SEMA4A: variants seen among roughly 807,000 people sequenced by gnomAD.
The protein encoded by SEMA4A is semaphorin-4A.
SEMA4A carries 52 observed loss-of-function variants against 72.5 expected under a neutral mutation model. The observed-to-expected ratio is 0.72, with a 90% confidence interval of 0.57 to 0.90. The LOEUF (loss-of-function observed/expected upper bound fraction) is 0.90, where lower values mean the gene tolerates loss of function less well. Ranked by LOEUF, SEMA4A falls within the 40% of genes least tolerant of loss-of-function variation. SEMA4A has a pLI of 0.00. For missense variants in SEMA4A, 926 were observed against 959.7 expected (o/e 0.96, Z 0.46); for synonymous variants, 369 against 393.1 (o/e 0.94, Z 0.73).
chr1:156,166,308 G>C (rs1332920047), intron 10 of SEMA4A, among the ~76,000 whole-genome samples: 2 of 152,144 alleles, frequency 1.3e-5, no homozygotes, highest in Non-Finnish European at 2.9e-5. Context: ...CTCCTAAAGT[G>C]CTGGGATTAC....
At chr1:156,159,031 C>CCAAA in intron 6 of SEMA4A, 1 of 286,318 alleles carries the variant, frequency 3.5e-6, no homozygotes, top group Non-Finnish European at 6.3e-6. Context: ...GAGATCGTCT[C>CCAAA]AAAAAAAAAA....
At chr1:156,163,138 A>G (rs745519521) in intron 10 of SEMA4A, 44 bp downstream of exon 10, 1 of 1,608,046 alleles carries the variant, frequency 6.2e-7, no homozygotes, top group African/African-American at 1.3e-5. Context: ...CACATACATA[A>G]TGTGCATGAA....
upstream of SEMA4A, among the ~76,000 whole-genome samples, chr1:156,150,675 G>A (rs370683592): frequency 3.2e-3 from 486 of 152,244 alleles, 4 homozygotes; most frequent in African/African-American, 0.011. Context: ...AGCGTCTGGG[G>A]CTGGTTGAAG....
rs773118228 is a variant in SEMA4A at position 156,156,470 on chromosome 1, A to C, written c.196A>C (p.Thr66Pro). The change falls in exon 3 of 15, where the codon ACT becomes CCT. Residue 66 changes from threonine (T) to proline (P), a missense_variant. Physicochemically the swap from Thr to Pro is conservative, Grantham distance 38 (BLOSUM62 -1). Coordinates refer to ENST00000368285, the MANE Select transcript of SEMA4A (RefSeq NM_022367.4). ...CCAGAAGGGCCTCCAGGATTTTGAC[A>C]CTCTGCTCCTGAGTGGTGATGGAAA... is the stretch of plus-strand genomic sequence containing the variant. ...FHQKGLQDFD[T>P]LLLSGDGNTL... The C allele has an allele frequency of 5.5e-5, 89 of 1,613,666 alleles. No individual in the cohort carries two copies. The highest frequency in any genetic ancestry group is 7.5e-5 in the Non-Finnish European group (88 of 1,179,956).
intron 2 of SEMA4A, 119 bp downstream of exon 2, chr1:156,154,836 G>A (rs761152974): frequency 1.7e-6 from 2 of 1,205,354 alleles, no homozygotes; most frequent in Non-Finnish European, 2.3e-6. Flanking sequence ...GACACAGAGA[G>A]AGATGCCAGG....
chr1:156,150,377 C>T (rs1165230970), upstream of SEMA4A: 1 of 152,192 alleles, frequency 6.6e-6, no homozygotes, highest in Non-Finnish European at 1.5e-5. Flanking sequence ...GTCCCTAGTG[C>T]CTATACACGC....
chr1:156,168,084 C>T lies in SEMA4A; in HGVS notation c.1135-4742C>T, dbSNP rs527482101. ...TACAGGCGTGCGCCGCCACAGCACCCAGCTAATTTTTGTATTTTTAGTAGA... is the reference window on the plus strand; with the variant it reads ...TACAGGCGTGCGCCGCCACAGCACCTAGCTAATTTTTGTATTTTTAGTAGA... On this transcript the variant is annotated intron_variant, in intron 10 of 14. Coordinates refer to ENST00000368285, the MANE Select transcript of SEMA4A (RefSeq NM_022367.4). Among the ~76,000 whole-genome samples the T allele has an allele frequency of 3.1e-4, 47 of 152,122 alleles. No individual in the cohort carries two copies. The South Asian group carries it at 7.7e-3, about 25-fold the overall frequency.
rs911314643 is a variant in SEMA4A, at chr1:156,162,985, C to G, written c.1025C>G (p.Ser342Cys). 8.7e-6 allele frequency: 14 copies of G among 1,613,992 alleles called. No individual in the cohort carries two copies. Among genetic ancestry groups the G allele is most frequent in the African/African-American group, 1.3e-5 (1 of 74,926 alleles). ...GTRSSAVCAF[S>C]LLDIERVFKG... ...AGGAGCTCTGCGGTTTGTGCCTTCT[C>G]TCTCTTGGACATTGAACGTGTCTTT... The change falls in exon 10 of 15, where the codon TCT becomes TGT. Residue 342 changes from serine (S) to cysteine (C), a missense_variant. Ser to Cys is a moderately radical substitution (Grantham distance 112, BLOSUM62 -1). Coordinates refer to ENST00000368285, the MANE Select transcript of SEMA4A (RefSeq NM_022367.4).
intron 8 of SEMA4A, 128 bp downstream of exon 8, chr1:156,161,157 G>C: frequency 1.2e-5 from 7 of 604,002 alleles, no homozygotes; most frequent in Non-Finnish European, 1.9e-5. Flanking sequence ...GGGCCTGGCG[G>C]GGTGGGGCGG....
chr1:156,156,974 C>T (rs548511738), intron 3 of SEMA4A, among the ~76,000 whole-genome samples: 59 of 152,188 alleles, frequency 3.9e-4, no homozygotes, highest in Non-Finnish European at 6.9e-4. Flanking sequence ...TCAGGTGATC[C>T]GCCTGCCTCA....
chr1:156,160,465 T>C lies in SEMA4A; in HGVS notation c.591T>C (p.Thr197=). ...TAGATGGGATGCTCTATTCTGGTAC[T>C]ATGAACAACTTCCTGGGCAGTGAGC... ...VLVDGMLYSG[T]MNNFLGSEPI... The change falls in exon 7 of 15, where the codon ACT becomes ACC. Residue 197 remains threonine, a synonymous_variant. Coordinates refer to ENST00000368285, the MANE Select transcript of SEMA4A (RefSeq NM_022367.4). 7 of 1,613,962 alleles carry C rather than the reference T, an allele frequency of 4.3e-6. No homozygotes were observed. The highest frequency in any genetic ancestry group is 5.9e-6 in the Non-Finnish European group (7 of 1,179,920).
intron 7 of SEMA4A, 23 bp downstream of exon 7, chr1:156,160,582 C>T (rs1653496179): frequency 6.3e-7 from 1 of 1,589,440 alleles, no homozygotes; most frequent in South Asian, 1.1e-5. Context: ...CCCCCGCTGG[C>T]CTCCTTTCCT....
chr1:156,164,302 A>G (rs1653959735), intron 10 of SEMA4A, among the ~76,000 whole-genome samples: 4 of 152,166 alleles, frequency 2.6e-5, no homozygotes, highest in Admixed American at 2.6e-4. Context: ...AACATGATTT[A>G]TTGCTACTTC....
intron 10 of SEMA4A, chr1:156,163,448 G>A (rs1168756901): frequency 3.1e-6 from 1 of 321,956 alleles, no homozygotes; most frequent in African/African-American, 2.2e-5. Context: ...AGGGCCGGGT[G>A]TGGTGGCTCA....
chr1:156,163,212 C>T (rs1305410383), intron 10 of SEMA4A, 118 bp downstream of exon 10: 10 of 1,181,104 alleles, frequency 8.5e-6, no homozygotes, highest in East Asian at 7.4e-5. Context: ...CCACCAATCT[C>T]GCCTGCTCAG....
rs1655415577 is a variant in SEMA4A at position 156,177,001 on chromosome 1, C to T, written c.*4C>T. 6.2e-7 allele frequency: 1 copy of T among 1,606,364 alleles called. No homozygotes were observed. ...CCTAGGCACTGAGGTAGCTTAAACT[C>T]TAGGCACAGGCCGGGGCTGCGGTGC... is the stretch of plus-strand genomic sequence containing the variant. On this transcript the variant is annotated 3_prime_UTR_variant, in exon 15 of 15. Coordinates refer to ENST00000368285, the MANE Select transcript of SEMA4A (RefSeq NM_022367.4).
Position 156,176,925 on chromosome 1 carries a change from T to C in SEMA4A, c.2214T>C (p.Ser738=). ...TAAGCAGAGAGCAACACCTCCAGTC[T>C]CCCAAGGAATGCAGGACCTCTGCCA... ...APLSREQHLQ[S]PKECRTSASD... is the part of the protein sequence containing the mutation. The change falls in exon 15 of 15, where the codon TCT becomes TCC. Residue 738 remains serine, a synonymous_variant. Transcript: ENST00000368285. 1.2e-6 allele frequency: 2 copies of C among 1,614,130 alleles called. No individual in the cohort carries two copies. The highest frequency in any genetic ancestry group is 1.7e-6 in the Non-Finnish European group (2 of 1,180,030).
chr1:156,147,653 C>T (rs1471198359), upstream of SEMA4A, among the ~76,000 whole-genome samples: 1 of 152,028 alleles, frequency 6.6e-6, no homozygotes, highest in Non-Finnish European at 1.5e-5. Context: ...TCCCTCCACT[C>T]CCCCATCTCA....
upstream of SEMA4A, among the ~76,000 whole-genome samples, chr1:156,152,557 GGA>G (rs1652624579): frequency 6.6e-6 from 1 of 152,294 alleles, no homozygotes; most frequent in African/African-American, 2.4e-5. Flanking sequence ...CCAGCCTCTG[GGA>G]GAGTCTGGGG....
Sources: gnomAD v4.1 joint callset for allele counts (sites outside exome capture counted in the v4.1 genomes callset) on GRCh38, gnomAD v4.1.1 for gene constraint, MANE v1.5 for transcripts, NCBI Gene and HGNC (gene_info 2026-07-23, HGNC 2026-07-21) for gene names.